The following DMRT1 variants were observed in gnomAD, a reference collection of about 807,000 sequenced individuals.
DMRT1 encodes doublesex- and mab-3-related transcription factor 1.
Under a neutral mutation model 32.3 loss-of-function variants are expected in DMRT1, and 7 were observed. That is an observed-to-expected ratio of 0.22 (90% CI 0.12 to 0.41). DMRT1 has a LOEUF of 0.41. DMRT1 is among the 10% of genes least tolerant of loss of function. DMRT1 has a pLI of 1.00. For missense variants in DMRT1, 625 were observed against 500.5 expected (o/e 1.25, Z -2.37); for synonymous variants, 278 against 206.1 (o/e 1.35, Z -2.99).
intron 3 of DMRT1, among the ~76,000 whole-genome samples, chr9:897,666 C>G (rs987460389): frequency 3.3e-5 from 5 of 151,100 alleles, no homozygotes; most frequent in African/African-American, 4.9e-5. Flanking sequence ...TTGGTTTTTT[C>G]CAATTTAAGA....
intron 3 of DMRT1, among the ~76,000 whole-genome samples, chr9:904,106 C>G (rs10491587): frequency 0.2 from 29,977 of 152,176 alleles, 3,836 homozygotes; most frequent in African/African-American, 0.36. Context: ...TACCTATTAT[C>G]TGACACAGTA....
chr9:908,577 A>G (rs918650269), intron 3 of DMRT1, among the ~76,000 whole-genome samples: 1 of 151,996 alleles, frequency 6.6e-6, no homozygotes, highest in Non-Finnish European at 1.5e-5. Context: ...CTGTTTTTCC[A>G]TGTGAGTTGT....
rs1457061085 is a variant in DMRT1, at chr9:916,855, C to A, written c.915C>A (p.Pro305=). 1 of 1,614,184 alleles carries A rather than the reference C, an allele frequency of 6.2e-7. No individual in the cohort carries two copies. The highest frequency in any genetic ancestry group is 2.2e-5 in the East Asian group (1 of 44,880). ...CCTCTTACCTGGGCCAGAGCGTGCC[C>A]CAGTTCTTCACTTTTGAGGATGCTC... ...PPPSYLGQSV[P]QFFTFEDAPS... Residue 305 remains proline, a synonymous_variant, in exon 4 of 5, where the codon CCC becomes CCA. Coordinates refer to ENST00000382276, the MANE Select transcript of DMRT1 (RefSeq NM_021951.3).
intron 2 of DMRT1, among the ~76,000 whole-genome samples, chr9:857,489 G>T (rs1815447493): frequency 1.3e-5 from 2 of 152,160 alleles, no homozygotes; most frequent in South Asian, 4.2e-4. Flanking sequence ...ATTATTGGTT[G>T]GTAGAAATAT....
At chr9:920,375 C>T (rs1451914293) in intron 4 of DMRT1, among the ~76,000 whole-genome samples, 12 of 152,172 alleles carry the variant, frequency 7.9e-5, no homozygotes, top group African/African-American at 1.7e-4. Flanking sequence ...TGTGTGTGAG[C>T]GGTGCCTTAG....
intron 4 of DMRT1, among the ~76,000 whole-genome samples, chr9:940,906 A>G (rs970100756): frequency 4.6e-5 from 7 of 152,220 alleles, no homozygotes; most frequent in Non-Finnish European, 7.3e-5. Flanking sequence ...TCCAAAGAAG[A>G]TATAGTAATG....
rs146175069 is a variant in DMRT1, at chr9:844,854, G to A, written c.355-2106G>A. ...TTCTGCCTCGGCCTCCCGAGTAGCT[G>A]GGACTACAGGCACACGCCACCACAC... On this transcript the variant is annotated intron_variant, in intron 1 of 4. Coordinates refer to ENST00000382276, the MANE Select transcript of DMRT1 (RefSeq NM_021951.3). Among the ~76,000 whole-genome samples, 731 of 151,804 alleles carry A rather than the reference G, an allele frequency of 4.8e-3. 13 individuals carry two copies. Among genetic ancestry groups the A allele is most frequent in the Admixed American group, 0.026 (390 of 15,226 alleles).
In DMRT1 at chr9:878,436, TGTTTGAC is replaced by T. The variant is rs1381313217; in HGVS notation, c.539-15471_539-15465del. Among the ~76,000 whole-genome samples the T allele has an allele frequency of 1.2e-4, 19 of 152,274 alleles. No homozygotes were observed. In the East Asian group the frequency reaches 3.5e-3, roughly 28 times the overall value. ...TGTTGCTTTCCTGGCGCCAGGTTTGTGTTTGACGTTTAAAATAGCCCTGTCATGATTG... is the reference window on the plus strand; with the variant it reads ...TGTTGCTTTCCTGGCGCCAGGTTTGTGTTTAAAATAGCCCTGTCATGATTG... On this transcript the variant is annotated intron_variant, in intron 2 of 4. Coordinates refer to ENST00000382276, the MANE Select transcript of DMRT1 (RefSeq NM_021951.3).
At chr9:875,539 G>C (rs900867922) in intron 2 of DMRT1, among the ~76,000 whole-genome samples, 2 of 152,206 alleles carry the variant, frequency 1.3e-5, no homozygotes, top group Non-Finnish European at 2.9e-5. Flanking sequence ...TGATCCAGAT[G>C]TACAAATTCT....
chr9:900,228 T>C (rs1296926872), intron 3 of DMRT1, among the ~76,000 whole-genome samples: 2 of 152,054 alleles, frequency 1.3e-5, no homozygotes, highest in Non-Finnish European at 2.9e-5. Context: ...AAGTGCCCCC[T>C]TGTGAGTGTT....
intron 2 of DMRT1, among the ~76,000 whole-genome samples, 193 bp downstream of exon 2, chr9:847,336 G>A (rs768561589): frequency 6.6e-6 from 1 of 152,210 alleles, no homozygotes; most frequent in Non-Finnish European, 1.5e-5. Context: ...TAGAAATGCA[G>A]GTTCAACTCT....
At chr9:937,211 G>T (rs981600064) in intron 4 of DMRT1, among the ~76,000 whole-genome samples, 1 of 152,160 alleles carries the variant, frequency 6.6e-6, no homozygotes, top group African/African-American at 2.4e-5. Flanking sequence ...ATATTGCATT[G>T]CCTGTGTGCG....
intron 3 of DMRT1, among the ~76,000 whole-genome samples, chr9:901,663 C>G (rs1586591280): frequency 6.6e-6 from 1 of 151,518 alleles, no homozygotes; most frequent in Non-Finnish European, 1.5e-5. Flanking sequence ...GGAGACTTCA[C>G]ATGAGTTTTT....
chr9:853,039 G>A (rs778517416), intron 2 of DMRT1, among the ~76,000 whole-genome samples: 9 of 152,108 alleles, frequency 5.9e-5, no homozygotes, highest in South Asian at 4.1e-4. Flanking sequence ...TAAGAGATAT[G>A]GCTGGTGAAT....
At chr9:869,965 T>G (rs1171905712) in intron 2 of DMRT1, among the ~76,000 whole-genome samples, 4 of 152,148 alleles carry the variant, frequency 2.6e-5, no homozygotes. Context: ...TATATGGTAA[T>G]GTTGTAAAAA....
rs528258410 is a variant in DMRT1 at position 957,423 on chromosome 9, T to C, written c.968-10562T>C. ...AGCAATTGGAGTCTTATGCAATGTATAGAAATATTATTTCAGAAAAGCCTA... is the reference window on the plus strand; with the variant it reads ...AGCAATTGGAGTCTTATGCAATGTACAGAAATATTATTTCAGAAAAGCCTA... On this transcript the variant is annotated intron_variant, in intron 4 of 4. Coordinates refer to ENST00000382276, the MANE Select transcript of DMRT1 (RefSeq NM_021951.3). 2.0e-3 allele frequency among the ~76,000 whole-genome samples: 311 copies of C among 152,366 alleles called. 2 individuals carry two copies. The highest frequency in any genetic ancestry group is 7.3e-3 in the African/African-American group (304 of 41,586).
At chr9:966,367 C>T (rs1057461096) in intron 4 of DMRT1, among the ~76,000 whole-genome samples, 4 of 151,930 alleles carry the variant, frequency 2.6e-5, no homozygotes, top group Admixed American at 6.6e-5. Context: ...AAATATTTTC[C>T]TATATTTTAA....
intron 2 of DMRT1, among the ~76,000 whole-genome samples, chr9:865,787 C>T (rs370028063): frequency 2.8e-4 from 43 of 152,054 alleles, no homozygotes; most frequent in South Asian, 1.5e-3. Context: ...TAAATATTTC[C>T]CCTTCTTTTC....
intron 4 of DMRT1, among the ~76,000 whole-genome samples, chr9:964,092 T>G (rs1368182207): frequency 2.0e-5 from 3 of 152,238 alleles, no homozygotes; most frequent in African/African-American, 7.2e-5. Context: ...CTCACATCAC[T>G]GGAAGAGAAT....
Sources: gnomAD v4.1 joint callset for allele counts (sites outside exome capture counted in the v4.1 genomes callset) on GRCh38, gnomAD v4.1.1 for gene constraint, MANE v1.5 for transcripts, NCBI Gene and HGNC (gene_info 2026-07-23, HGNC 2026-07-21) for gene names.